GRIK3: variants seen among roughly 807,000 people sequenced by gnomAD.
GRIK3 encodes the protein glutamate receptor ionotropic, kainate 3.
In GRIK3, 29 loss-of-function variants were observed where a neutral mutation model predicts 102.5. The observed-to-expected ratio is 0.28, with a 90% confidence interval of 0.21 to 0.39. GRIK3 has a LOEUF of 0.39. Ranked by LOEUF, GRIK3 falls within the 10% of genes least tolerant of loss-of-function variation. The pLI, the probability that GRIK3 is intolerant of heterozygous loss-of-function variation, is 1.00. For missense variants in GRIK3, 908 were observed against 1,252.4 expected (o/e 0.73, Z 4.15); for synonymous variants, 511 against 504.9 (o/e 1.01, Z -0.16).
chr1:36,863,389 C>T (rs1640748456), intron 5 of GRIK3, among the ~76,000 whole-genome samples: 1 of 152,212 alleles, frequency 6.6e-6, no homozygotes, highest in South Asian at 2.1e-4. Flanking sequence ...TTCCATGACT[C>T]CTTGTAGTCT....
intron 1 of GRIK3, among the ~76,000 whole-genome samples, chr1:37,017,002 G>A (rs767616699): frequency 6.6e-6 from 1 of 152,010 alleles, no homozygotes; most frequent in Non-Finnish European, 1.5e-5. Context: ...ATCACCTGAG[G>A]TCAGGAGTTT....
chr1:36,928,540 G>A (rs1168612159), intron 1 of GRIK3, among the ~76,000 whole-genome samples: 1 of 152,212 alleles, frequency 6.6e-6, no homozygotes, highest in African/African-American at 2.4e-5. Flanking sequence ...ACAACGCAGT[G>A]TTTAGAACAG....
At chr1:36,971,852 A>G (rs55758047) in intron 1 of GRIK3, among the ~76,000 whole-genome samples, 37,749 of 151,900 alleles carry the variant, frequency 0.25, 5,973 homozygotes, top group African/African-American at 0.45. Flanking sequence ...TTGCAGCCAC[A>G]TTATATAAAC....
At position 36,872,397 on chromosome 1, in the gene GRIK3, C is replaced by T. The variant is rs564254277; in HGVS notation, c.551-28G>A. 9.2e-6 allele frequency: 14 copies of T among 1,527,088 alleles called. No homozygotes were observed. The South Asian group carries it at 1.6e-4, about 18-fold the overall frequency. 94.6% of individuals were successfully genotyped at this position (1,527,088 alleles called of 1,614,324 possible). On this transcript the variant is annotated intron_variant, in intron 3 of 15. Coordinates refer to ENST00000373091, the MANE Select transcript of GRIK3 (RefSeq NM_000831.4). The surrounding 1 kb of genome is among the most constrained non-coding windows in gnomAD (Gnocchi z 5.9). ...GAGGGGCCATGGAGCACAAAAGACA[C>T]ACGTGTACCACATGTATCCACAGCT...
Position 36,872,235 on chromosome 1 carries a change from T to G in GRIK3, c.685A>C (p.Ile229Leu). 6.2e-7 allele frequency: 1 copy of G among 1,611,978 alleles called. No homozygotes were observed. Among genetic ancestry groups the G allele is most frequent in the Middle Eastern group, 1.7e-4 (1 of 6,054 alleles). Reference protein sequence around the residue: ...KEMKRGREFRIIFDCSHTMAA... With the variant: ...KEMKRGREFRLIFDCSHTMAA... The stretch of plus-strand genomic sequence containing the variant: ...ATAGTGTGGCTGCAGTCGAAGATAA[T>G]GCGGAATTCCCGGCCTCGCTTCATC... The change falls in exon 4 of 16, where the codon ATT (isoleucine) becomes CTT (leucine). Residue 229 changes from isoleucine to leucine, a missense_variant. By Grantham distance (5) the Ile-to-Leu change is conservative. Around this residue, in one of 3 missense-constraint regions of GRIK3, gnomAD observed 585 missense variants for 824.9 expected, o/e 0.71. Transcript: ENST00000373091. The surrounding 1 kb of genome is among the most constrained non-coding windows in gnomAD (Gnocchi z 5.9).
intron 1 of GRIK3, among the ~76,000 whole-genome samples, chr1:36,948,770 G>A (rs376502261): frequency 1.6e-4 from 25 of 152,166 alleles, no homozygotes; most frequent in Non-Finnish European, 2.8e-4. Flanking sequence ...GGGAAGGAGC[G>A]CCTGGCCTCC....
chr1:36,942,454 G>A (rs993879016), intron 1 of GRIK3, among the ~76,000 whole-genome samples: 22 of 152,200 alleles, frequency 1.4e-4, no homozygotes, highest in Non-Finnish European at 2.8e-4. Context: ...TCAGTGAAGT[G>A]TGAATACTCT....
At chr1:37,015,313 G>A (rs1438413344) in intron 1 of GRIK3, among the ~76,000 whole-genome samples, 2 of 152,166 alleles carry the variant, frequency 1.3e-5, no homozygotes, top group Admixed American at 1.3e-4. Context: ...AGCAAAGCCA[G>A]CCCCAAATGT....
chr1:37,007,325 A>G (rs780696894), intron 1 of GRIK3, among the ~76,000 whole-genome samples: 18 of 152,198 alleles, frequency 1.2e-4, no homozygotes, highest in Non-Finnish European at 2.4e-4. Flanking sequence ...CAGAGCTGGG[A>G]GTCAAACAGA....
chr1:36,872,284 G>A lies in GRIK3; in HGVS notation c.636C>T (p.Asp212=), dbSNP rs777441373. 22 of 1,613,094 alleles carry A rather than the reference G, an allele frequency of 1.4e-5. No individual in the cohort carries two copies. Among genetic ancestry groups the A allele is most frequent in the African/African-American group, 1.2e-4 (9 of 74,924 alleles). ...LKIRQLPIDS[D]DSRPLLKEMK... ...TCTCCTTGAGCAAGGGGCGCGAGTC[G>A]TCAGAGTCGATGGGGAGCTGACGGA... is the stretch of plus-strand genomic sequence containing the variant. Residue 212 remains aspartate, a synonymous_variant, in exon 4 of 16, where the codon GAC becomes GAT. Transcript: ENST00000373091. The surrounding 1 kb of genome is among the most constrained non-coding windows in gnomAD (Gnocchi z 5.9).
intron 1 of GRIK3, among the ~76,000 whole-genome samples, chr1:37,017,911 T>C (rs769791753): frequency 6.6e-5 from 10 of 152,194 alleles, no homozygotes; most frequent in Non-Finnish European, 1.3e-4. Flanking sequence ...ATGAGTCCTC[T>C]TTTGACGTCA....
At chr1:36,825,869 C>CTG in intron 10 of GRIK3, 43 bp from the exon 11 acceptor site, 1 of 1,396,162 alleles carries the variant, frequency 7.2e-7, no homozygotes, top group Non-Finnish European at 1.0e-6. Context: ...TGAGCAAAGT[C>CTG]TCAGAATAGC....
intron 2 of GRIK3, among the ~76,000 whole-genome samples, chr1:36,889,357 T>C (rs1037723009): frequency 1.3e-5 from 2 of 151,654 alleles, no homozygotes; most frequent in African/African-American, 2.4e-5. Flanking sequence ...CATGGCACCC[T>C]GAGGAGGGCA....
chr1:36,889,798 T>C (rs1641082171), intron 2 of GRIK3, among the ~76,000 whole-genome samples: 1 of 152,168 alleles, frequency 6.6e-6, no homozygotes, highest in Non-Finnish European at 1.5e-5. Flanking sequence ...TAGTAATTTT[T>C]AGCAAACATA....
intron 1 of GRIK3, among the ~76,000 whole-genome samples, chr1:36,960,027 C>A (rs1398807321): frequency 1.7e-5 from 2 of 116,936 alleles, no homozygotes; most frequent in Non-Finnish European, 3.8e-5. Flanking sequence ...AGTCTGTGTG[C>A]CCCGCGAGTC....
intron 1 of GRIK3, among the ~76,000 whole-genome samples, chr1:36,984,820 T>C (rs1279735631): frequency 2.6e-5 from 4 of 152,124 alleles, no homozygotes; most frequent in African/African-American, 9.7e-5. Context: ...CTGCAGTGAA[T>C]GACAGCAAAG....
rs748484321 is a variant in GRIK3, at chr1:36,958,930, G to T, written c.116-67834C>A. ...GACTCTGTGCCCCATGAGCCTGTGTGCCCTGTGAGCCTGTGTGCCCTGTGA... is the reference window on the plus strand; with the variant it reads ...GACTCTGTGCCCCATGAGCCTGTGTTCCCTGTGAGCCTGTGTGCCCTGTGA... On this transcript the variant is annotated intron_variant, in intron 1 of 15. Coordinates refer to ENST00000373091, the MANE Select transcript of GRIK3 (RefSeq NM_000831.4). 1.0e-4 allele frequency among the ~76,000 whole-genome samples: 13 copies of T among 129,426 alleles called. 1 individual carries two copies. The highest frequency in any genetic ancestry group is 1.7e-4 in the Non-Finnish European group (10 of 58,066). 84.9% of individuals were successfully genotyped at this position (129,426 alleles called of 152,430 possible).
intron 1 of GRIK3, among the ~76,000 whole-genome samples, chr1:37,013,952 C>T (rs1642625141): frequency 1.3e-5 from 2 of 152,348 alleles, no homozygotes; most frequent in South Asian, 4.1e-4. Flanking sequence ...GCACCCCAAG[C>T]CCTAGCCACA....
At chr1:36,933,702 A>G (rs1167162658) in intron 1 of GRIK3, among the ~76,000 whole-genome samples, 16 of 152,198 alleles carry the variant, frequency 1.1e-4, no homozygotes, top group Admixed American at 1.0e-3. Context: ...TTTTTCCAAC[A>G]TTACTTCCAA....
Sources: allele counts gnomAD v4.1 joint callset (sites outside exome capture counted in the v4.1 genomes callset), GRCh38; gene constraint gnomAD v4.1.1; regional missense constraint gnomAD v4.1.1; non-coding constraint Gnocchi (gnomAD v3.1); transcripts MANE v1.5; gene names NCBI Gene and HGNC (gene_info 2026-07-23, HGNC 2026-07-21).